The following MYCBP2 variants were observed in gnomAD, a reference collection of about 807,000 sequenced individuals.
MYCBP2 encodes MYC binding protein 2.
In MYCBP2, 120 loss-of-function variants were observed where a neutral mutation model predicts 525.3. The ratio of observed to expected loss-of-function variants is 0.23; its 90% confidence interval spans 0.20 to 0.27. MYCBP2 has a LOEUF of 0.27. MYCBP2 is among the 10% of genes least tolerant of loss of function. The probability of loss-of-function intolerance (pLI) is 1.00; values close to 1 mark genes in which losing one functional copy is unlikely to be tolerated. For synonymous variants in MYCBP2, 1,894 were observed against 1,955.8 expected (o/e 0.97, Z 0.83); for missense variants, 4,149 against 5,657.1 (o/e 0.73, Z 8.55).
At chr13:77,205,765 C>T (rs1056412704) in intron 24 of MYCBP2, among the ~76,000 whole-genome samples, 167 bp from the exon 25 acceptor site, 3 of 152,248 alleles carry the variant, frequency 2.0e-5, no homozygotes, top group Admixed American at 6.5e-5. Flanking sequence ...TACAAATTAT[C>T]CCTTGTCTGA....
chr13:77,316,784 G>A (rs2080998955), intron 1 of MYCBP2, among the ~76,000 whole-genome samples: 1 of 144,570 alleles, frequency 6.9e-6, no homozygotes, highest in Non-Finnish European at 1.6e-5. Flanking sequence ...TGGTCACTGG[G>A]CCTTTCTCGT....
chr13:77,134,544 C>A lies in MYCBP2; in HGVS notation c.7659+4652G>T, dbSNP rs866821089. Among the ~76,000 whole-genome samples the A allele has an allele frequency of 2.1e-3, 305 of 148,228 alleles. 1 individual carries two copies. The highest frequency in any genetic ancestry group is 5.5e-3 in the African/African-American group (222 of 40,130). On this transcript the variant is annotated intron_variant, in intron 52 of 82. Coordinates refer to ENST00000544440, the MANE Select transcript of MYCBP2 (RefSeq NM_015057.5). ...GCAAGGTGCTGTAAAAACAAACAAA[C>A]AAACAAAAAACAAAACAAAAAACAA...
At chr13:77,141,429 A>T (rs2054597742) in intron 49 of MYCBP2, among the ~76,000 whole-genome samples, 1 of 152,146 alleles carries the variant, frequency 6.6e-6, no homozygotes, top group Non-Finnish European at 1.5e-5. Context: ...AAATGGGAAA[A>T]ATAACAGTAT....
intron 17 of MYCBP2, among the ~76,000 whole-genome samples, chr13:77,236,048 G>A (rs2067872357): frequency 6.6e-6 from 1 of 152,150 alleles, no homozygotes; most frequent in Non-Finnish European, 1.5e-5. Flanking sequence ...CTGTATTGCA[G>A]AATGAATATT....
chr13:77,168,462 T>C lies in MYCBP2; in HGVS notation c.6080A>G (p.His2027Arg). The C allele has an allele frequency of 6.2e-7, 1 of 1,614,072 alleles. No homozygotes were observed. Among genetic ancestry groups the C allele is most frequent in the Non-Finnish European group, 8.5e-7 (1 of 1,180,024 alleles). ...CATCACACAGGCAGGTTTATACGGG[T>C]GCTCACTCTCTATGACAGCATAGTG... The part of the protein sequence containing the change: ...SSHYAVIESE[H>R]PYKPACVMHY... Residue 2027 changes from histidine to arginine, a missense_variant, in exon 40 of 83, where the codon CAC becomes CGC. Physicochemically the swap from His to Arg is conservative, Grantham distance 29. Transcript: ENST00000544440.
chr13:77,171,432 T>C lies in MYCBP2; in HGVS notation c.5794+60A>G, dbSNP rs1379316310. On this transcript the variant is annotated intron_variant, in intron 38 of 82. Transcript: ENST00000544440. Reference sequence around the variant, plus strand: ...AGAAGGCTCCTCTTCAATAATTCTATGCAAAAATTTAGTGAATAAAGAATC... The same window carrying C: ...AGAAGGCTCCTCTTCAATAATTCTACGCAAAAATTTAGTGAATAAAGAATC... 37 of 1,522,548 alleles carry C rather than the reference T, an allele frequency of 2.4e-5. 1 individual carries two copies. The Admixed American group carries it at 6.5e-4, about 27-fold the overall frequency. The allele number at this position is 1,522,548 out of a possible 1,614,324, so 94.3% of individuals were successfully genotyped here.
rs1566772851 is a variant in MYCBP2 at position 77,165,340 on chromosome 13, T to C, written c.6392A>G (p.Asp2131Gly). 1 of 1,612,362 alleles carries C rather than the reference T, an allele frequency of 6.2e-7. No homozygotes were observed. Among genetic ancestry groups the C allele is most frequent in the Admixed American group, 1.7e-5 (1 of 59,752 alleles). Residue 2131 changes from aspartate to glycine, a missense_variant, in exon 42 of 83, where the codon GAC becomes GGC. Physicochemically the swap from Asp to Gly is moderately conservative, Grantham distance 94 (BLOSUM62 -1). Coordinates refer to ENST00000544440, the MANE Select transcript of MYCBP2 (RefSeq NM_015057.5). ...LETASDYVKD[D>G]KASFYGFKCF... ...CTTAAAACCATAGAAAGAAGCTTTG[T>C]CATCTTTCACATAATCTGATGCAGT...
chr13:77,074,897 G>A (rs2042020509), intron 68 of MYCBP2, among the ~76,000 whole-genome samples: 1 of 152,158 alleles, frequency 6.6e-6, no homozygotes, highest in Non-Finnish European at 1.5e-5. Context: ...GAGAAATTTG[G>A]GGAGTGATGT....
chr13:77,294,553 C>T (rs967573447), intron 2 of MYCBP2, among the ~76,000 whole-genome samples: 1 of 152,128 alleles, frequency 6.6e-6, no homozygotes, highest in Non-Finnish European at 1.5e-5. Context: ...TTGACTTCTC[C>T]TCACCTCTTC....
chr13:77,201,894 G>C (rs1430208647), intron 26 of MYCBP2, among the ~76,000 whole-genome samples: 2 of 152,110 alleles, frequency 1.3e-5, no homozygotes, highest in Admixed American at 1.3e-4. Context: ...ATTCAAAGCA[G>C]TGTGTAGAGG....
At chr13:77,321,587 G>A (rs1234645191) in intron 1 of MYCBP2, among the ~76,000 whole-genome samples, 1 of 152,204 alleles carries the variant, frequency 6.6e-6, no homozygotes, top group Non-Finnish European at 1.5e-5. Flanking sequence ...TTTCCAGAAT[G>A]AATTCCACTA....
chr13:77,162,251 C>T (rs2058025116), intron 43 of MYCBP2, among the ~76,000 whole-genome samples: 1 of 152,030 alleles, frequency 6.6e-6, no homozygotes, highest in Non-Finnish European at 1.5e-5. Flanking sequence ...TTAGTGTATT[C>T]GTTTTGTCTA....
chr13:77,111,621 G>A (rs549265444), intron 55 of MYCBP2, among the ~76,000 whole-genome samples: 7 of 150,850 alleles, frequency 4.6e-5, no homozygotes, highest in East Asian at 1.9e-4. Context: ...ACAGGGTCTC[G>A]CTTTGTTGTC....
intron 20 of MYCBP2, among the ~76,000 whole-genome samples, chr13:77,222,421 CAAT>C (rs552084774): frequency 1.9e-3 from 289 of 152,176 alleles, no homozygotes; most frequent in Admixed American, 4.9e-3. Context: ...AAGTTCAACT[CAAT>C]GATATCTCAA....
At chr13:77,263,833 G>T in intron 9 of MYCBP2, 44 bp from the exon 10 acceptor site, 1 of 1,610,968 alleles carries the variant, frequency 6.2e-7, no homozygotes, top group Non-Finnish European at 8.5e-7. Context: ...ACATAAAGAG[G>T]TCGTTCAAGG....
intron 8 of MYCBP2, among the ~76,000 whole-genome samples, chr13:77,267,429 A>AAAATT (rs1159461115): frequency 1.1e-4 from 16 of 150,956 alleles, no homozygotes; most frequent in Middle Eastern, 3.4e-3. Context: ...TAAATTAAAT[A>AAAATT]AAATTAAATT....
Position 77,185,864 on chromosome 13 carries a change from A to G in MYCBP2, c.4444+7T>C. ...CCCTATAGTCATTTAAAAAAAATGC[A>G]TCATACCTGACACTGGGTAAATTTC... On this transcript the variant is annotated splice_region_variant and intron_variant, in intron 31 of 82. Coordinates refer to ENST00000544440, the MANE Select transcript of MYCBP2 (RefSeq NM_015057.5). 1 of 1,552,932 alleles carries G rather than the reference A, an allele frequency of 6.4e-7. No individual in the cohort carries two copies.
At position 77,094,321 on chromosome 13, in the gene MYCBP2, GCTGCACCAC is replaced by G. The variant is rs1285448921; in HGVS notation, c.10200-998_10200-990del. On this transcript the variant is annotated intron_variant, in intron 58 of 82. Coordinates refer to ENST00000544440, the MANE Select transcript of MYCBP2 (RefSeq NM_015057.5). ...CAGTGCATGATGTGTGAAAGTACAGGCTGCACCACTGAGGTCCAATATATGAAAACAGAA... is the reference window on the plus strand; with the variant it reads ...CAGTGCATGATGTGTGAAAGTACAGGTGAGGTCCAATATATGAAAACAGAA... 2.0e-5 allele frequency among the ~76,000 whole-genome samples: 3 copies of G among 152,134 alleles called. No individual in the cohort carries two copies. The East Asian group carries it at 5.8e-4, about 29-fold the overall frequency.
chr13:77,174,563 A>C, intron 36 of MYCBP2, 74 bp from the exon 37 acceptor site: 2 of 1,101,988 alleles, frequency 1.8e-6, no homozygotes, highest in Non-Finnish European at 2.6e-6. Flanking sequence ...CTAGCAGTAA[A>C]ATAGGCAAAT....
Sources: allele counts gnomAD v4.1 joint callset (sites outside exome capture counted in the v4.1 genomes callset), GRCh38; gene constraint gnomAD v4.1.1; transcripts MANE v1.5; gene names NCBI Gene and HGNC (gene_info 2026-07-23, HGNC 2026-07-21).